Variants in HMGCLL1 observed in about 807,000 individuals in gnomAD.
HMGCLL1 encodes 3-hydroxymethyl-3-methylglutaryl-CoA lyase, cytoplasmic.
In HMGCLL1, 36 loss-of-function variants were observed where a neutral mutation model predicts 39.1. The observed-to-expected ratio is 0.92, with a 90% confidence interval of 0.71 to 1.22. The LOEUF is 1.22. Ranked by LOEUF, HMGCLL1 falls within the 50% of genes most tolerant of loss-of-function variation. The pLI, the probability that HMGCLL1 is intolerant of heterozygous loss-of-function variation, is 0.00. For missense variants in HMGCLL1, 451 were observed against 416.5 expected, an observed-to-expected ratio of 1.08 and a Z score of -0.72; for synonymous variants, 149 against 144.0, an observed-to-expected ratio of 1.03 and a Z score of -0.25.
chr6:55,466,403 C>T (rs1035335286), intron 7 of HMGCLL1, among the ~76,000 whole-genome samples: 1 of 152,034 alleles, frequency 6.6e-6, no homozygotes, highest in South Asian at 2.1e-4. Context: ...TTTGAGAATC[C>T]GCTTTGAGAA....
chr6:55,661,520 G>T, the HMGCLL1 span, among the ~76,000 whole-genome samples: 1 of 151,920 alleles, frequency 6.6e-6, no homozygotes, highest in Admixed American at 6.6e-5. Context: ...TCAGATGATT[G>T]TAGGTGTGTG....
At chr6:55,447,769 A>C (rs1377427933) in intron 7 of HMGCLL1, among the ~76,000 whole-genome samples, 1 of 152,146 alleles carries the variant, frequency 6.6e-6, no homozygotes, top group Non-Finnish European at 1.5e-5. Context: ...ACTCATGAGT[A>C]AACTGAGGTT....
intron 5 of HMGCLL1, among the ~76,000 whole-genome samples, chr6:55,509,230 G>A (rs1219529609): frequency 6.6e-6 from 1 of 151,834 alleles, no homozygotes; most frequent in Non-Finnish European, 1.5e-5. Flanking sequence ...AATAGAATTT[G>A]GAAAGGAACT....
chr6:55,563,880 C>T (rs1268652801), intron 1 of HMGCLL1: 2 of 1,288,080 alleles, frequency 1.6e-6, no homozygotes, highest in Non-Finnish European at 2.0e-6. Context: ...CCTGAGAGGT[C>T]CATGGTGCAG....
intron 1 of HMGCLL1, among the ~76,000 whole-genome samples, chr6:55,545,570 G>A (rs1336700540): frequency 6.6e-6 from 1 of 152,072 alleles, no homozygotes; most frequent in East Asian, 1.9e-4. Flanking sequence ...CATGCATTGG[G>A]CTGGGGCTGA....
chr6:55,661,117 C>A, the HMGCLL1 span, among the ~76,000 whole-genome samples: 1 of 151,894 alleles, frequency 6.6e-6, no homozygotes, highest in Non-Finnish European at 1.5e-5. Context: ...GGATAGTAAA[C>A]CTTAGTCAGA....
At position 55,542,091 on chromosome 6, in the gene HMGCLL1, A is replaced by T. The variant is rs762734248; in HGVS notation, c.158T>A (p.Val53Asp). The T allele has an allele frequency of 3.1e-6, 5 of 1,610,704 alleles. No individual in the cohort carries two copies. The African/African-American group carries it at 6.7e-5, about 22-fold the overall frequency. Residue 53 changes from valine (V) to aspartate (D), a missense_variant, in exon 2 of 9, where the codon GTT (valine) becomes GAT (aspartate). Coordinates refer to ENST00000274901, the MANE Select transcript of HMGCLL1 (RefSeq NM_001042406.2). The stretch of plus-strand genomic sequence containing the variant: ...ATTCTGCAATCCATCCCTAGGCCCA[A>T]CTTCTACTATTTTAACAAACTCAGG... ...GLPEFVKIVE[V>D]GPRDGLQNEK...
chr6:55,564,953 A>G (rs985327633), intron 1 of HMGCLL1, among the ~76,000 whole-genome samples: 1 of 152,090 alleles, frequency 6.6e-6, no homozygotes, highest in Non-Finnish European at 1.5e-5. Context: ...TTGGGTCTCA[A>G]CATGAATTAA....
At chr6:55,633,192 A>G in the HMGCLL1 span, among the ~76,000 whole-genome samples, 3 of 152,052 alleles carry the variant, frequency 2.0e-5, no homozygotes, top group Non-Finnish European at 4.4e-5. Context: ...CGTTTCACAA[A>G]ATTACAAGGG....
the HMGCLL1 span, among the ~76,000 whole-genome samples, chr6:55,593,447 G>A: frequency 0.011 from 1,649 of 152,068 alleles, 34 homozygotes; most frequent in African/African-American, 0.037. Context: ...CTCTCCATCT[G>A]AACTGCGTGT....
At chr6:55,573,233 T>C (rs1346206449) in intron 1 of HMGCLL1, among the ~76,000 whole-genome samples, 2 of 152,336 alleles carry the variant, frequency 1.3e-5, no homozygotes, top group Admixed American at 6.5e-5. Flanking sequence ...TCTACGCTTA[T>C]TGTTTGATAA....
intron 1 of HMGCLL1, among the ~76,000 whole-genome samples, chr6:55,557,610 T>C (rs1770742304): frequency 6.6e-6 from 1 of 152,172 alleles, no homozygotes; most frequent in South Asian, 2.1e-4. Context: ...TATTTCATTT[T>C]AGAGACACCA....
chr6:55,673,359 T>C, the HMGCLL1 span, among the ~76,000 whole-genome samples: 1 of 151,968 alleles, frequency 6.6e-6, no homozygotes, highest in Non-Finnish European at 1.5e-5. Context: ...GCCTGTACTA[T>C]GTATTTTATA....
intron 5 of HMGCLL1, among the ~76,000 whole-genome samples, chr6:55,509,570 T>C (rs1404834695): frequency 1.3e-5 from 2 of 151,830 alleles, no homozygotes; most frequent in African/African-American, 4.8e-5. Flanking sequence ...TAAATGTGTG[T>C]AGTTATAAAT....
At chr6:55,542,741 T>G (rs1008204892) in intron 1 of HMGCLL1, among the ~76,000 whole-genome samples, 2 of 149,320 alleles carry the variant, frequency 1.3e-5, no homozygotes, top group African/African-American at 2.5e-5. Context: ...ATCGTGCCAT[T>G]GCACTCCAGC....
the HMGCLL1 span, among the ~76,000 whole-genome samples, chr6:55,648,895 CG>C: frequency 2.1e-5 from 3 of 140,384 alleles, no homozygotes; most frequent in Non-Finnish European, 4.6e-5. Context: ...ATACCAAAGC[CG>C]GGCAGAGACA....
At chr6:55,630,168 G>A in the HMGCLL1 span, among the ~76,000 whole-genome samples, 3 of 152,122 alleles carry the variant, frequency 2.0e-5, no homozygotes, top group Non-Finnish European at 4.4e-5. Context: ...AACCCACAGG[G>A]GTGGAGCTGC....
chr6:55,492,684 G>A (rs543430647), intron 7 of HMGCLL1, among the ~76,000 whole-genome samples: 154 of 152,176 alleles, frequency 1.0e-3, no homozygotes, highest in Non-Finnish European at 1.7e-3. Flanking sequence ...TAGCTTCTCC[G>A]GCCTCATATC....
chr6:55,653,818 CAA>C, the HMGCLL1 span, among the ~76,000 whole-genome samples: 468 of 151,958 alleles, frequency 3.1e-3, 2 homozygotes, highest in Admixed American at 7.9e-3. Context: ...AGCATAGCAC[CAA>C]AGTACCTGAT....
Sources: gnomAD v4.1 joint callset for allele counts (sites outside exome capture counted in the v4.1 genomes callset) on GRCh38, gnomAD v4.1.1 for gene constraint, MANE v1.5 for transcripts, NCBI Gene and HGNC (gene_info 2026-07-23, HGNC 2026-07-21) for gene names.